CACNA1S: variants seen among roughly 807,000 people sequenced by gnomAD.
The protein encoded by CACNA1S is calcium voltage-gated channel subunit alpha1 S.
In CACNA1S, 126 loss-of-function variants were observed where a neutral mutation model predicts 207.4. The ratio of observed to expected loss-of-function variants is 0.61; its 90% CI spans 0.53 to 0.70. The LOEUF (loss-of-function observed/expected upper bound fraction) is 0.70, where lower values mean the gene tolerates loss of function less well. CACNA1S is among the 30% of genes least tolerant of loss of function. The probability of loss-of-function intolerance (pLI) is 0.00; values close to 1 mark genes in which losing one functional copy is unlikely to be tolerated. For missense variants in CACNA1S, 2,349 were observed against 2,422.8 expected (o/e 0.97, Z 0.64); for synonymous variants, 960 against 932.7 (o/e 1.03, Z -0.53).
chr1:201,072,887 C>T, intron 15 of CACNA1S, 63 bp from the exon 16 acceptor site: 1 of 1,238,472 alleles, frequency 8.1e-7, no homozygotes, highest in Non-Finnish European at 1.2e-6. Context: ...CCTCAATGAG[C>T]ATATACTGGA....
rs1558052643 is a variant in CACNA1S, at chr1:201,044,321, C to A, written c.4797+7G>T. The A allele has an allele frequency of 6.2e-7, 1 of 1,613,288 alleles. No homozygotes were observed. Among genetic ancestry groups the A allele is most frequent in the Non-Finnish European group, 8.5e-7 (1 of 1,179,546 alleles). ...GACCACTAGGGGTGCTCCTGGCTCT[C>A]CCTCACCCGGAATATTCCCTCCTCC... On this transcript the variant is annotated splice_region_variant and intron_variant, in intron 39 of 43. Transcript: ENST00000362061.
chr1:201,087,993 C>T lies in CACNA1S; in HGVS notation c.901-64G>A, dbSNP rs16847699. ...TTGGTTCCTCTTCCCCAAGTCTGCT[C>T]ATTAAGACTCCACCCAACCCTGGGG... is the stretch of plus-strand genomic sequence containing the variant. On this transcript the variant is annotated intron_variant, in intron 6 of 43. Coordinates refer to ENST00000362061, the MANE Select transcript of CACNA1S (RefSeq NM_000069.3). 7,750 of 1,051,908 alleles carry T rather than the reference C, an allele frequency of 7.4e-3. 253 individuals carry two copies. In the African/African-American group the frequency reaches 0.08, roughly 11 times the overall value. 65.2% of individuals were successfully genotyped at this position (1,051,908 alleles called of 1,614,324 possible).
chr1:201,068,848 G>C (rs1661349310), intron 19 of CACNA1S, among the ~76,000 whole-genome samples: 1 of 152,126 alleles, frequency 6.6e-6, no homozygotes, highest in African/African-American at 2.4e-5. Context: ...CTCCAGCCTG[G>C]TGACAGAGTG....
chr1:201,052,745 C>T, intron 31 of CACNA1S, 97 bp from the exon 32 acceptor site: 1 of 982,028 alleles, frequency 1.0e-6, no homozygotes, highest in East Asian at 2.4e-5. Context: ...CTACCTTCGC[C>T]CCTACTTCCC....
At chr1:201,092,612 T>C (rs142766809) in intron 3 of CACNA1S, among the ~76,000 whole-genome samples, 1 of 152,342 alleles carries the variant, frequency 6.6e-6, no homozygotes, top group African/African-American at 2.4e-5. Context: ...TCCTTTGAAG[T>C]CTACCTCAAA....
intron 40 of CACNA1S, among the ~76,000 whole-genome samples, chr1:201,042,316 T>G (rs1457327475): frequency 6.6e-6 from 1 of 152,124 alleles, no homozygotes; most frequent in Non-Finnish European, 1.5e-5. Flanking sequence ...TTGTGTGTTT[T>G]TAGTAGAGAC....
chr1:201,052,123 G>A (rs1660675376), intron 32 of CACNA1S, among the ~76,000 whole-genome samples: 1 of 152,202 alleles, frequency 6.6e-6, no homozygotes, highest in Non-Finnish European at 1.5e-5. Flanking sequence ...TCTAGCTCCT[G>A]TGCCCTGGCC....
chr1:201,063,534 C>T (rs952150104), intron 22 of CACNA1S, among the ~76,000 whole-genome samples: 1 of 152,128 alleles, frequency 6.6e-6, no homozygotes, highest in African/African-American at 2.4e-5. Flanking sequence ...AGTGATCCGC[C>T]CGCCTCGGCT....
chr1:201,043,009 T>A (rs1424778515), intron 40 of CACNA1S: 4 of 439,160 alleles, frequency 9.1e-6, no homozygotes, highest in Non-Finnish European at 8.5e-6. Flanking sequence ...TCAATACGTC[T>A]CAGCTCCTAG....
chr1:201,054,479 G>C, intron 29 of CACNA1S, 26 bp downstream of exon 29: 1 of 1,609,390 alleles, frequency 6.2e-7, no homozygotes, highest in South Asian at 1.1e-5. Context: ...GAGCGTGCCA[G>C]GCAGGCTCGT....
At chr1:201,050,933 C>T in intron 33 of CACNA1S, 51 bp downstream of exon 33, 1 of 1,596,028 alleles carries the variant, frequency 6.3e-7, no homozygotes, top group Non-Finnish European at 8.6e-7. Context: ...CTCCCCCATG[C>T]CTCAGCTTAT....
chr1:201,083,154 C>T lies in CACNA1S; in HGVS notation c.1393+8G>A, dbSNP rs372197177. On this transcript the variant is annotated splice_region_variant and intron_variant, in intron 10 of 43. Transcript: ENST00000362061. The stretch of plus-strand genomic sequence containing the variant: ...CCCTCCTCCCGGCTTCACTCCGTTC[C>T]GCCTCACCTTGCAAACGGGTCAGCC... 26 of 1,613,962 alleles carry T rather than the reference C, an allele frequency of 1.6e-5. No homozygotes were observed. Among genetic ancestry groups the T allele is most frequent in the East Asian group, 2.2e-5 (1 of 44,880 alleles).
intron 16 of CACNA1S, among the ~76,000 whole-genome samples, chr1:201,071,349 A>T (rs1017587332): frequency 6.6e-6 from 1 of 151,656 alleles, no homozygotes; most frequent in Non-Finnish European, 1.5e-5. Context: ...CCTTGGAATG[A>T]GTGTCCTAAC....
intron 32 of CACNA1S, among the ~76,000 whole-genome samples, 188 bp downstream of exon 32, chr1:201,052,369 G>T (rs954364671): frequency 6.6e-6 from 1 of 152,220 alleles, no homozygotes; most frequent in East Asian, 1.9e-4. Flanking sequence ...TGTTCAAAAT[G>T]ATGAATATCT....
intron 2 of CACNA1S, among the ~76,000 whole-genome samples, chr1:201,107,815 G>C (rs1452067983): frequency 6.6e-6 from 1 of 152,164 alleles, no homozygotes; most frequent in Non-Finnish European, 1.5e-5. Context: ...GGGTATCACC[G>C]ACTTTCTCTG....
intron 41 of CACNA1S, among the ~76,000 whole-genome samples, chr1:201,040,923 G>A (rs570426233): frequency 2.0e-5 from 3 of 152,170 alleles, no homozygotes; most frequent in African/African-American, 4.8e-5. Flanking sequence ...GGCCCTGGTC[G>A]CTGTTCTTGA....
At position 201,075,613 on chromosome 1, in the gene CACNA1S, T is replaced by C. The variant is rs1479771505; in HGVS notation, c.1830A>G (p.Val610=). The C allele has an allele frequency of 4.3e-6, 7 of 1,614,106 alleles. No homozygotes were observed. Among genetic ancestry groups the C allele is most frequent in the Non-Finnish European group, 5.9e-6 (7 of 1,179,932 alleles). The change falls in exon 13 of 44, where the codon GTA becomes GTG. Residue 610 remains valine, a splice_region_variant and synonymous_variant. Coordinates refer to ENST00000362061, the MANE Select transcript of CACNA1S (RefSeq NM_000069.3). ...FPQALISVFQ[V]LTGEDWTSMM... ...TTGAGGTCCAGTCTTCCCCTGTCAG[T>C]ACCTGTATGGAGGGAGGATAGAGGG... is the stretch of plus-strand genomic sequence containing the variant.
intron 19 of CACNA1S, 141 bp downstream of exon 19, chr1:201,068,996 C>T (rs573152021): frequency 3.6e-5 from 27 of 756,576 alleles, no homozygotes; most frequent in African/African-American, 2.4e-4. Flanking sequence ...GTGGGCCTGC[C>T]GGTGTGCTGG....
rs150338586 is a variant in CACNA1S, at chr1:201,060,927, G to A, written c.3256-111C>T. The A allele has an allele frequency of 2.7e-5, 36 of 1,329,010 alleles. 1 individual carries two copies. In the East Asian group the frequency reaches 7.1e-4, roughly 26 times the overall value. The allele number at this position is 1,329,010 out of a possible 1,614,324, so 82.3% of individuals were successfully genotyped here. ...TCAGGAGCAGCTGTGGCCAGGGGCTGTGGCTGAGGACTGTGAACTGTTTAG... is the reference window on the plus strand; with the variant it reads ...TCAGGAGCAGCTGTGGCCAGGGGCTATGGCTGAGGACTGTGAACTGTTTAG... On this transcript the variant is annotated intron_variant, in intron 25 of 43. Transcript: ENST00000362061.
Sources: allele counts gnomAD v4.1 joint callset (sites outside exome capture counted in the v4.1 genomes callset), GRCh38; gene constraint gnomAD v4.1.1; transcripts MANE v1.5; gene names NCBI Gene and HGNC (gene_info 2026-07-23, HGNC 2026-07-21).